MTHFD1L: variants seen among roughly 807,000 people sequenced by gnomAD.
MTHFD1L encodes the protein methylenetetrahydrofolate dehydrogenase (NADP+ dependent) 1 like.
A neutral mutation model predicts 119.5 loss-of-function variants in MTHFD1L; 81 were observed. The ratio of observed to expected loss-of-function variants is 0.68; its 90% CI spans 0.57 to 0.82. MTHFD1L has a LOEUF of 0.82. Among genes scored for constraint, MTHFD1L ranks in the 40% least tolerant of loss-of-function variants. MTHFD1L has a pLI of 0.00. For synonymous variants in MTHFD1L, 430 were observed against 475.2 expected, an observed-to-expected ratio of 0.90 and a Z score of 1.24; for missense variants, 1,125 against 1,253.4, an observed-to-expected ratio of 0.90 and a Z score of 1.55.
chr6:150,928,631 C>T (rs1342373520), intron 11 of MTHFD1L, among the ~76,000 whole-genome samples: 3 of 151,220 alleles, frequency 2.0e-5, no homozygotes, highest in Non-Finnish European at 4.4e-5. Context: ...AACCTCTGCC[C>T]CCTGGGTTCA....
intron 26 of MTHFD1L, among the ~76,000 whole-genome samples, chr6:151,052,122 A>G (rs1042406056): frequency 1.3e-5 from 2 of 152,186 alleles, no homozygotes; most frequent in African/African-American, 4.8e-5. Context: ...GAGATAAACG[A>G]CTTCAAACCG....
At chr6:151,016,736 AATAT>A in intron 24 of MTHFD1L, 1 of 340,908 alleles carries the variant, frequency 2.9e-6, no homozygotes, top group Non-Finnish European at 5.6e-6. Flanking sequence ...CATTGTGGTA[AATAT>A]ATATATAACA....
chr6:150,940,231 A>C (rs935604865), intron 13 of MTHFD1L, among the ~76,000 whole-genome samples: 9 of 152,178 alleles, frequency 5.9e-5, no homozygotes, highest in African/African-American at 2.2e-4. Flanking sequence ...ACTCACTAGA[A>C]AGTACTTGTT....
chr6:150,902,768 G>A (rs175869), intron 7 of MTHFD1L, among the ~76,000 whole-genome samples: 8,047 of 152,230 alleles, frequency 0.053, 247 homozygotes, highest in Middle Eastern at 0.095. Context: ...AAAAGAACAG[G>A]TTGTATCAAA....
intron 22 of MTHFD1L, 25 bp from the exon 23 acceptor site, chr6:151,014,855 G>C (rs750597642): frequency 1.5e-5 from 24 of 1,602,312 alleles, no homozygotes; most frequent in Non-Finnish European, 1.9e-5. Context: ...CAGGGGTCTG[G>C]GTTTTGCTTT....
chr6:150,980,060 TA>T (rs1406283602), intron 20 of MTHFD1L, among the ~76,000 whole-genome samples: 2 of 152,232 alleles, frequency 1.3e-5, no homozygotes, highest in Non-Finnish European at 2.9e-5. Context: ...TTACATTATT[TA>T]AAAACACTGA....
intron 20 of MTHFD1L, among the ~76,000 whole-genome samples, chr6:150,973,034 T>C (rs1261100510): frequency 6.6e-6 from 1 of 152,210 alleles, no homozygotes. Context: ...CAGGCATTCA[T>C]GGAGGAGTCC....
At chr6:150,998,571 T>G (rs776018591) in intron 20 of MTHFD1L, among the ~76,000 whole-genome samples, 3 of 150,886 alleles carry the variant, frequency 2.0e-5, no homozygotes, top group Non-Finnish European at 2.9e-5. Context: ...AAATCCAAAG[T>G]TTTTTGAGTG....
At chr6:150,907,845 T>G (rs1438640327) in intron 8 of MTHFD1L, among the ~76,000 whole-genome samples, 1 of 152,092 alleles carries the variant, frequency 6.6e-6, no homozygotes, top group Non-Finnish European at 1.5e-5. Context: ...TGTTGGTTTT[T>G]GAATGCCCAG....
At chr6:151,068,074 A>T (rs887609451) in intron 26 of MTHFD1L, among the ~76,000 whole-genome samples, 6 of 152,264 alleles carry the variant, frequency 3.9e-5, no homozygotes, top group Non-Finnish European at 7.3e-5. Flanking sequence ...GTAATGCCAA[A>T]CAAATAACAC....
At chr6:151,078,052 CAAAAAAAAA>C (rs71014538) in intron 26 of MTHFD1L, among the ~76,000 whole-genome samples, 1 of 59,936 alleles carries the variant, frequency 1.7e-5, no homozygotes, top group Admixed American at 2.8e-4. Context: ...GACTCTGTCT[CAAAAAAAAA>C]AAAAAAAAAA....
intron 19 of MTHFD1L, among the ~76,000 whole-genome samples, chr6:150,971,528 C>G (rs1798004473): frequency 1.3e-5 from 2 of 152,070 alleles, no homozygotes; most frequent in South Asian, 4.1e-4. Context: ...GTTACCTTTT[C>G]TTGAATGGAA....
chr6:150,886,453 A>T (rs1421312583), intron 6 of MTHFD1L, among the ~76,000 whole-genome samples: 1 of 151,178 alleles, frequency 6.6e-6, no homozygotes, highest in East Asian at 1.9e-4. Flanking sequence ...AAAAAAAAAA[A>T]AAAAAGAGAA....
At position 150,960,433 on chromosome 6, in the gene MTHFD1L, G is replaced by T; in HGVS notation, c.1944+18G>T. 1.3e-6 allele frequency: 2 copies of T among 1,589,098 alleles called. No homozygotes were observed. Among genetic ancestry groups the T allele is most frequent in the South Asian group, 1.1e-5 (1 of 88,178 alleles). On this transcript the variant is annotated intron_variant, in intron 18 of 27. Transcript: ENST00000367321. The stretch of plus-strand genomic sequence containing the variant: ...ATGATTTGGTGAGTGTTTCCAACTC[G>T]GAAGCTTCAGGGAGTGGACGGTCCT...
chr6:150,977,009 A>G (rs1166931810), intron 20 of MTHFD1L, among the ~76,000 whole-genome samples: 2 of 152,184 alleles, frequency 1.3e-5, no homozygotes, highest in Non-Finnish European at 2.9e-5. Context: ...TTTAATGAGC[A>G]TTTATTAAGC....
intron 26 of MTHFD1L, among the ~76,000 whole-genome samples, chr6:151,087,678 C>G (rs1339559916): frequency 6.6e-6 from 1 of 152,092 alleles, no homozygotes; most frequent in Non-Finnish European, 1.5e-5. Context: ...CAGCTTATAC[C>G]AAGGATATTC....
intron 19 of MTHFD1L, among the ~76,000 whole-genome samples, chr6:150,970,146 AGG>A (rs1797822332): frequency 1.3e-5 from 2 of 152,226 alleles, no homozygotes; most frequent in Non-Finnish European, 2.9e-5. Context: ...ACAGGTTGCC[AGG>A]AGACCAGTAG....
intron 11 of MTHFD1L, among the ~76,000 whole-genome samples, chr6:150,927,150 T>C (rs1002948204): frequency 6.6e-6 from 1 of 152,210 alleles, no homozygotes; most frequent in South Asian, 2.1e-4. Context: ...CTTTTTTCTT[T>C]ATTTCTTTTT....
intron 26 of MTHFD1L, among the ~76,000 whole-genome samples, chr6:151,044,362 C>T (rs560370014): frequency 7.1e-4 from 107 of 150,270 alleles, no homozygotes; most frequent in Admixed American, 2.3e-3. Context: ...AGTGCAGTGG[C>T]GCAATCTCGA....
Sources: gnomAD v4.1 joint callset for allele counts (sites outside exome capture counted in the v4.1 genomes callset) on GRCh38, gnomAD v4.1.1 for gene constraint, MANE v1.5 for transcripts, NCBI Gene and HGNC (gene_info 2026-07-23, HGNC 2026-07-21) for gene names.